Variants in CAST observed in about 807,000 individuals in gnomAD.
CAST encodes calpastatin.
In CAST, 76 loss-of-function variants were observed where a neutral mutation model predicts 119.6. The observed-to-expected ratio is 0.64, with a 90% CI of 0.53 to 0.77. The LOEUF (loss-of-function observed/expected upper bound fraction) is 0.77, where lower values mean the gene tolerates loss of function less well. Among genes scored for constraint, CAST ranks in the 30% least tolerant of loss-of-function variants. The pLI is 0.00. For missense variants in CAST, 953 were observed against 946.5 expected (o/e 1.01, Z -0.09); for synonymous variants, 319 against 331.6 (o/e 0.96, Z 0.41).
intron 25 of CAST, chr5:96,763,312 T>G: frequency 1.3e-6 from 1 of 777,662 alleles, no homozygotes; most frequent in Non-Finnish European, 2.4e-6. Flanking sequence ...TCCTGGATTA[T>G]AATAAAGCAC....
chr5:96,154,396 C>G, the CAST span, among the ~76,000 whole-genome samples: 2 of 151,904 alleles, frequency 1.3e-5, no homozygotes, highest in African/African-American at 4.8e-5. Context: ...AATTTTAGAA[C>G]TGTTTTACAT....
the CAST span, among the ~76,000 whole-genome samples, chr5:96,323,324 C>T: frequency 6.6e-6 from 1 of 152,146 alleles, no homozygotes; most frequent in African/African-American, 2.4e-5. Flanking sequence ...TAACAAGTTA[C>T]AGGGATTTTT....
At chr5:96,498,799 T>G in the CAST span, among the ~76,000 whole-genome samples, 3 of 152,112 alleles carry the variant, frequency 2.0e-5, no homozygotes, top group Admixed American at 6.6e-5. Flanking sequence ...CCTCTGAAAT[T>G]GTGTTAATCC....
intron 1 of CAST, among the ~76,000 whole-genome samples, chr5:96,674,662 C>A (rs1205899405): frequency 1.3e-5 from 2 of 151,998 alleles, no homozygotes; most frequent in Non-Finnish European, 2.9e-5. Context: ...GCTTTTATAC[C>A]CCACGTAAAA....
At chr5:96,160,212 T>C in the CAST span, among the ~76,000 whole-genome samples, 1 of 152,088 alleles carries the variant, frequency 6.6e-6, no homozygotes, top group East Asian at 1.9e-4. Flanking sequence ...CTATATAATT[T>C]TGGAACATCT....
At chr5:96,109,974 A>C in the CAST span, among the ~76,000 whole-genome samples, 1 of 152,274 alleles carries the variant, frequency 6.6e-6, no homozygotes, top group South Asian at 2.1e-4. Context: ...TTTTAGAAGA[A>C]ATCGAGTGGA....
At chr5:96,534,490 G>A (rs990367404) in intron 1 of CAST, among the ~76,000 whole-genome samples, 4 of 151,410 alleles carry the variant, frequency 2.6e-5, no homozygotes, top group Non-Finnish European at 5.9e-5. Context: ...CCAACATGGC[G>A]AAACCCCATC....
At chr5:96,281,905 T>C in the CAST span, among the ~76,000 whole-genome samples, 1 of 152,188 alleles carries the variant, frequency 6.6e-6, no homozygotes, top group Non-Finnish European at 1.5e-5. Context: ...GGAGAACAAT[T>C]AACATCTTCT....
chr5:96,570,975 G>A (rs922994928), intron 1 of CAST, among the ~76,000 whole-genome samples: 9 of 152,158 alleles, frequency 5.9e-5, no homozygotes, highest in South Asian at 4.1e-4. Context: ...TGAATTTGGG[G>A]CAATTCTGCA....
the CAST span, among the ~76,000 whole-genome samples, chr5:95,976,648 C>G: frequency 1.3e-5 from 2 of 152,050 alleles, no homozygotes; most frequent in Non-Finnish European, 2.9e-5. Context: ...CACTAGATTA[C>G]CTAATTTTTA....
chr5:96,559,464 G>A (rs1415616490), intron 1 of CAST, among the ~76,000 whole-genome samples: 9 of 152,148 alleles, frequency 5.9e-5, no homozygotes, highest in Non-Finnish European at 1.0e-4. Context: ...AAACCCCATC[G>A]TCTCAGCCCA....
At chr5:95,977,247 G>GT in the CAST span, among the ~76,000 whole-genome samples, 1 of 152,192 alleles carries the variant, frequency 6.6e-6, no homozygotes, top group African/African-American at 2.4e-5. Context: ...TCAGTGTTTG[G>GT]TGAGGGCTTG....
intron 1 of CAST, among the ~76,000 whole-genome samples, chr5:96,581,627 A>G (rs1746769947): frequency 6.6e-6 from 1 of 152,234 alleles, no homozygotes; most frequent in Non-Finnish European, 1.5e-5. Flanking sequence ...ACAGTGGCTC[A>G]CGCCTGTAAT....
chr5:96,050,846 G>A, the CAST span, among the ~76,000 whole-genome samples: 1 of 152,130 alleles, frequency 6.6e-6, no homozygotes, highest in African/African-American at 2.4e-5. Context: ...GTGTGCGGAG[G>A]AGCGGGCTCG....
rs75215052 is a variant in CAST at position 96,699,921 on chromosome 5, G to A, written c.210+4014G>A. 4.2e-3 allele frequency among the ~76,000 whole-genome samples: 633 copies of A among 152,296 alleles called. 6 individuals are homozygous for A. The highest frequency in any genetic ancestry group is 9.1e-3 in the South Asian group (44 of 4,828). On this transcript the variant is annotated intron_variant, in intron 3 of 31. Coordinates refer to ENST00000675179, the MANE Select transcript of CAST (RefSeq NM_001750.7). The stretch of plus-strand genomic sequence containing the variant: ...TTAGGCCTTTCAAACAGAAGAAAGC[G>A]CAAACAACTTTCCTCCCAGCCTAGA...
At chr5:96,630,181 A>C (rs1165613657) in intron 1 of CAST, among the ~76,000 whole-genome samples, 2 of 152,250 alleles carry the variant, frequency 1.3e-5, no homozygotes, top group African/African-American at 4.8e-5. Flanking sequence ...TTAGAGACAA[A>C]AATCCAGCAA....
At chr5:96,205,136 A>G in the CAST span, among the ~76,000 whole-genome samples, 12 of 151,974 alleles carry the variant, frequency 7.9e-5, no homozygotes, top group South Asian at 6.2e-4. Flanking sequence ...TTCTTTATAC[A>G]TTCTGGATAC....
the CAST span, among the ~76,000 whole-genome samples, chr5:96,362,079 C>A: frequency 6.6e-6 from 1 of 151,936 alleles, no homozygotes; most frequent in Admixed American, 6.6e-5. Context: ...TGAGAACATG[C>A]GGTGTTTGGT....
chr5:96,599,975 A>AAAAAAAAAAAAAAAAG (rs762798506), intron 1 of CAST, among the ~76,000 whole-genome samples: 16 of 140,506 alleles, frequency 1.1e-4, no homozygotes, highest in African/African-American at 2.2e-4. Flanking sequence ...GCAAAAAAAA[A>AAAAAAAAAAAAAAAAG]AAAAAAAACC....
Sources: allele counts gnomAD v4.1 joint callset (sites outside exome capture counted in the v4.1 genomes callset), GRCh38; gene constraint gnomAD v4.1.1; transcripts MANE v1.5; gene names NCBI Gene and HGNC (gene_info 2026-07-23, HGNC 2026-07-21).